Variants in CDH13 observed in about 807,000 individuals in gnomAD.
The protein encoded by CDH13 is cadherin-13.
Under a neutral mutation model 63.8 loss-of-function variants are expected in CDH13, and 24 were observed. That is an observed-to-expected ratio of 0.38 (90% CI 0.27 to 0.53). CDH13 has a LOEUF of 0.53. Among genes scored for constraint, CDH13 ranks in the 20% least tolerant of loss-of-function variants. CDH13 has a pLI of 0.85. For missense variants in CDH13, 1,049 were observed against 903.1 expected, an observed-to-expected ratio of 1.16 and a Z score of -2.07; for synonymous variants, 503 against 355.3, an observed-to-expected ratio of 1.42 and a Z score of -4.67.
chr16:83,353,781 A>G (rs1186609741), intron 6 of CDH13, among the ~76,000 whole-genome samples: 2 of 152,058 alleles, frequency 1.3e-5, no homozygotes, highest in African/African-American at 4.8e-5. Context: ...TTCACATTAG[A>G]CCTTTGTATT....
At chr16:82,823,037 T>G (rs2038077079) in intron 1 of CDH13, among the ~76,000 whole-genome samples, 1 of 152,172 alleles carries the variant, frequency 6.6e-6, no homozygotes, top group African/African-American at 2.4e-5. Flanking sequence ...TTGACATCTC[T>G]CTATGGTCTC....
At position 83,362,520 on chromosome 16, in the gene CDH13, C is replaced by T. The variant is rs191998860; in HGVS notation, c.781+17514C>T. 3.5e-3 allele frequency among the ~76,000 whole-genome samples: 539 copies of T among 152,334 alleles called. 9 individuals are homozygous for T. The highest frequency in any genetic ancestry group is 0.031 in the Admixed American group (470 of 15,298). ...CATGGCTCACCTCATAGGTGGGAGA[C>T]ACCAGGATGAACACTTTCAAATTCT... On this transcript the variant is annotated intron_variant, in intron 6 of 13. Transcript: ENST00000567109.
intron 4 of CDH13, among the ~76,000 whole-genome samples, chr16:83,215,146 A>G (rs2039460129): frequency 1.7e-5 from 2 of 120,006 alleles, no homozygotes; most frequent in African/African-American, 3.2e-5. Context: ...GAGCAATCCC[A>G]GCTCACTGCA....
intron 1 of CDH13, among the ~76,000 whole-genome samples, chr16:82,756,467 G>A (rs2034615632): frequency 6.6e-6 from 1 of 152,132 alleles, no homozygotes; most frequent in Admixed American, 6.6e-5. Flanking sequence ...TAACCTGCGT[G>A]GCAACCCGGG....
chr16:83,711,463 T>A (rs999343612), intron 10 of CDH13, among the ~76,000 whole-genome samples: 1 of 152,178 alleles, frequency 6.6e-6, no homozygotes, highest in African/African-American at 2.4e-5. Context: ...CTAGCATGTG[T>A]GTGGTTGTTT....
At chr16:83,525,487 A>G (rs1256028737) in intron 7 of CDH13, among the ~76,000 whole-genome samples, 1 of 152,236 alleles carries the variant, frequency 6.6e-6, no homozygotes, top group African/African-American at 2.4e-5. Context: ...ACTTGGTTGC[A>G]GTATTGGTGG....
intron 7 of CDH13, among the ~76,000 whole-genome samples, chr16:83,554,770 C>G (rs536162349): frequency 6.6e-6 from 1 of 152,122 alleles, no homozygotes; most frequent in African/African-American, 2.4e-5. Context: ...TATTATTGAT[C>G]TTTGTAGCCA....
At chr16:83,175,460 G>A (rs1438475341) in intron 4 of CDH13, among the ~76,000 whole-genome samples, 3 of 152,108 alleles carry the variant, frequency 2.0e-5, no homozygotes, top group African/African-American at 7.2e-5. Flanking sequence ...TGGGGAAGAG[G>A]AAGGGATTGT....
intron 5 of CDH13, among the ~76,000 whole-genome samples, chr16:83,226,591 C>G (rs1056916586): frequency 7.2e-5 from 11 of 152,166 alleles, no homozygotes; most frequent in East Asian, 1.9e-4. Flanking sequence ...AGTTGTCTAA[C>G]TACAACCAGG....
chr16:82,889,565 T>G (rs2041008322), intron 2 of CDH13, among the ~76,000 whole-genome samples: 1 of 152,182 alleles, frequency 6.6e-6, no homozygotes, highest in Admixed American at 6.5e-5. Flanking sequence ...AGAGTACAAT[T>G]TTTCCATGTA....
chr16:83,040,633 G>A (rs866795328), intron 3 of CDH13, among the ~76,000 whole-genome samples: 1 of 152,162 alleles, frequency 6.6e-6, no homozygotes, highest in Non-Finnish European at 1.5e-5. Context: ...TGCCCACCCA[G>A]ACTGAGGGTG....
intron 1 of CDH13, among the ~76,000 whole-genome samples, chr16:82,785,909 G>C (rs906279634): frequency 3.3e-5 from 5 of 152,242 alleles, no homozygotes; most frequent in African/African-American, 1.2e-4. Context: ...TTGGACAAGA[G>C]AGGGGAAGGG....
intron 1 of CDH13, among the ~76,000 whole-genome samples, chr16:82,639,838 T>C (rs1379952820): frequency 6.6e-6 from 1 of 152,248 alleles, no homozygotes; most frequent in African/African-American, 2.4e-5. Context: ...TGCCCTCCAA[T>C]CCTGTTCTGG....
chr16:83,519,751 C>G (rs549135637), intron 7 of CDH13, among the ~76,000 whole-genome samples: 3 of 152,068 alleles, frequency 2.0e-5, no homozygotes, highest in Non-Finnish European at 4.4e-5. Context: ...AGAAAGGTGC[C>G]TCAATACAAG....
At chr16:82,971,162 G>A (rs1015146005) in intron 2 of CDH13, among the ~76,000 whole-genome samples, 1 of 152,124 alleles carries the variant, frequency 6.6e-6, no homozygotes, top group South Asian at 2.1e-4. Context: ...CTCACCCTTC[G>A]AATGCGATGA....
At chr16:82,842,178 A>ACACG (rs373995247) in intron 1 of CDH13, among the ~76,000 whole-genome samples, 6 of 133,770 alleles carry the variant, frequency 4.5e-5, no homozygotes, top group Non-Finnish European at 3.2e-5. Flanking sequence ...ACACACACAT[A>ACACG]TATATACACA....
intron 2 of CDH13, among the ~76,000 whole-genome samples, chr16:82,915,083 G>A (rs1597205428): frequency 1.3e-5 from 2 of 152,330 alleles, no homozygotes; most frequent in Middle Eastern, 6.8e-3. Context: ...GAAATCCAGT[G>A]ATGAAATGTA....
At chr16:83,171,048 A>G (rs2037893209) in intron 4 of CDH13, among the ~76,000 whole-genome samples, 1 of 152,056 alleles carries the variant, frequency 6.6e-6, no homozygotes, top group Non-Finnish European at 1.5e-5. Context: ...CTATAAAGAA[A>G]TACCTGAGAC....
At chr16:82,690,164 CAAA>C (rs35051579) in intron 1 of CDH13, among the ~76,000 whole-genome samples, 10 of 52,048 alleles carry the variant, frequency 1.9e-4, no homozygotes, top group African/African-American at 6.1e-4. Context: ...AACTCTGTCT[CAAA>C]AAAAAAAAAA....
Sources: allele counts gnomAD v4.1 joint callset (sites outside exome capture counted in the v4.1 genomes callset), GRCh38; gene constraint gnomAD v4.1.1; transcripts MANE v1.5; gene names NCBI Gene and HGNC (gene_info 2026-07-23, HGNC 2026-07-21).